The following PIP5K1C variants were observed in gnomAD, a reference collection of about 807,000 sequenced individuals.
PIP5K1C encodes phosphatidylinositol 4-phosphate 5-kinase type-1 gamma.
Under a neutral mutation model 80.1 loss-of-function variants are expected in PIP5K1C, and 45 were observed. The observed-to-expected ratio is 0.56, with a 90% CI of 0.44 to 0.72. PIP5K1C has a LOEUF of 0.72. Among genes scored for constraint, PIP5K1C ranks in the 30% least tolerant of loss-of-function variants. The pLI is 0.00. For synonymous variants in PIP5K1C, 498 were observed against 420.1 expected (o/e 1.19, Z -2.27); for missense variants, 753 against 954.6 (o/e 0.79, Z 2.78).
chr19:3,697,144 C>T lies in PIP5K1C; in HGVS notation c.94+3153G>A, dbSNP rs537440369. On this transcript the variant is annotated intron_variant, in intron 1 of 17. Transcript: ENST00000335312. Reference sequence around the variant, plus strand: ...CCAGACGAAGGAGGACTGAGCCGGACGAAGGAGAACCGAGCCGGACAGAGG... The same window carrying T: ...CCAGACGAAGGAGGACTGAGCCGGATGAAGGAGAACCGAGCCGGACAGAGG... Among the ~76,000 whole-genome samples, 27 of 148,342 alleles carry T rather than the reference C, an allele frequency of 1.8e-4. 1 individual carries two copies. Among genetic ancestry groups the T allele is most frequent in the African/African-American group, 6.8e-4 (27 of 39,708 alleles).
chr19:3,653,571 G>A lies in PIP5K1C; in HGVS notation c.640C>T (p.Arg214Trp). ...GYYMNLNQNP[R>W]TLLPKFYGLY... The stretch of plus-strand genomic sequence containing the variant: ...CCATAGAACTTGGGCAGCAGCGTCC[G>A]CGGGTTCTGGTTGAGGTTCTGCCGG... The change falls in exon 7 of 18, where the codon CGG (arginine) becomes TGG (tryptophan). Residue 214 changes from arginine to tryptophan, a missense_variant. Arg to Trp is a moderately radical substitution (Grantham distance 101, BLOSUM62 -3). Coordinates refer to ENST00000335312, the MANE Select transcript of PIP5K1C (RefSeq NM_012398.3). 1.9e-6 allele frequency: 3 copies of A among 1,608,414 alleles called. No individual in the cohort carries two copies. Among genetic ancestry groups the A allele is most frequent in the Non-Finnish European group, 2.6e-6 (3 of 1,175,584 alleles).
chr19:3,647,884 T>C (rs968958018), intron 9 of PIP5K1C, among the ~76,000 whole-genome samples: 5 of 152,264 alleles, frequency 3.3e-5, no homozygotes, highest in African/African-American at 1.2e-4. Flanking sequence ...AAGGCAGAGG[T>C]TGCAGTGAGC....
chr19:3,635,179 T>C (rs527412443), intron 16 of PIP5K1C, among the ~76,000 whole-genome samples: 8 of 152,306 alleles, frequency 5.3e-5, no homozygotes, highest in African/African-American at 1.9e-4. Context: ...TCAGAGCCGC[T>C]CTCTGGGAGG....
At chr19:3,691,695 A>T (rs1309183346) in intron 1 of PIP5K1C, among the ~76,000 whole-genome samples, 5 of 151,922 alleles carry the variant, frequency 3.3e-5, no homozygotes. Flanking sequence ...ACCAGGCCTG[A>T]TTTAAACCAA....
chr19:3,691,268 C>T (rs564600546), intron 1 of PIP5K1C, among the ~76,000 whole-genome samples: 39 of 152,302 alleles, frequency 2.6e-4, no homozygotes, highest in Non-Finnish European at 4.4e-4. Flanking sequence ...GAACACGGAG[C>T]GCCCGGTCTG....
Position 3,637,696 on chromosome 19 carries a change from GGAGAGGCGGA to G in PIP5K1C, c.1920+1178_1920+1187del. On this transcript the variant is annotated intron_variant, in intron 16 of 17. Coordinates refer to ENST00000335312, the MANE Select transcript of PIP5K1C (RefSeq NM_012398.3). The surrounding 1 kb of genome is among the most constrained non-coding windows in gnomAD (Gnocchi z 7.0). ...AGGCGGCCACCCCCGTGGTCGGGTGGGAGAGGCGGAGGGAGGTGGCGGGGAGCAGGTGGGG... is the reference window on the plus strand; with the variant it reads ...AGGCGGCCACCCCCGTGGTCGGGTGGGGGAGGTGGCGGGGAGCAGGTGGGG... The G allele has an allele frequency of 1.3e-6, 2 of 1,508,744 alleles. No homozygotes were observed. The highest frequency in any genetic ancestry group is 2.5e-5 in the South Asian group (2 of 79,346). 93.5% of individuals were successfully genotyped at this position (1,508,744 alleles called of 1,614,324 possible).
At position 3,700,350 on chromosome 19, in the gene PIP5K1C, G is replaced by C; in HGVS notation, c.41C>G (p.Ala14Gly). The change falls in exon 1 of 18, where the codon GCG (alanine) becomes GGG (glycine). Residue 14 changes from alanine (A) to glycine (G), a missense_variant. By Grantham distance (60) the Ala-to-Gly change is moderately conservative. Around this residue, in one of 6 missense-constraint regions of PIP5K1C, gnomAD observed 78 missense variants for 67.1 expected, o/e 1.16. Transcript: ENST00000335312. The part of the protein sequence containing the change: ...EVPDEAESAE[A>G]GAVPSEAAWA... ...CGCCGCCTCCGAGGGCACGGCCCCCGCCTCAGCGCTCTCCGCCTCGTCCGG... is the reference window on the plus strand; with the variant it reads ...CGCCGCCTCCGAGGGCACGGCCCCCCCCTCAGCGCTCTCCGCCTCGTCCGG... 1 of 1,289,732 alleles carries C rather than the reference G, an allele frequency of 7.8e-7. No homozygotes were observed. The highest frequency in any genetic ancestry group is 1.5e-5 in the South Asian group (1 of 65,868). 79.9% of individuals were successfully genotyped at this position (1,289,732 alleles called of 1,614,324 possible).
intron 1 of PIP5K1C, chr19:3,674,117 C>A (rs1228341430): frequency 6.6e-6 from 1 of 152,344 alleles, no homozygotes; most frequent in Non-Finnish European, 1.5e-5. Context: ...GACCGGGCGG[C>A]CCCAGCTGTT....
chr19:3,640,148 A>G (rs986837955), intron 15 of PIP5K1C, among the ~76,000 whole-genome samples: 3 of 152,220 alleles, frequency 2.0e-5, no homozygotes, highest in Admixed American at 2.0e-4. Flanking sequence ...GGCAAAAATC[A>G]TTACAAAGGC....
In PIP5K1C at chr19:3,638,988, C is replaced by T; in HGVS notation, c.1816G>A (p.Ala606Thr). 1 of 1,611,612 alleles carries T rather than the reference C, an allele frequency of 6.2e-7. No homozygotes were observed. Among genetic ancestry groups the T allele is most frequent in the Non-Finnish European group, 8.5e-7 (1 of 1,179,864 alleles). ...CTGGCAGTTTCTACTTCAACAGCAG[C>T]AGAGGCACCGGCCGGGGAAGCCTCC... is the stretch of plus-strand genomic sequence containing the variant. ...GVEASPAGAS[A>T]AVEVETASQA... Residue 606 changes from alanine to threonine, a missense_variant, in exon 16 of 18, where the codon GCT becomes ACT. Physicochemically the swap from Ala to Thr is moderately conservative, Grantham distance 58. Coordinates refer to ENST00000335312, the MANE Select transcript of PIP5K1C (RefSeq NM_012398.3).
chr19:3,652,523 G>T (rs1489743701), intron 7 of PIP5K1C, among the ~76,000 whole-genome samples: 2 of 152,328 alleles, frequency 1.3e-5, no homozygotes, highest in South Asian at 2.1e-4. Flanking sequence ...GGCCTGGGTG[G>T]AGTTGGGGAG....
At chr19:3,651,044 C>T (rs920552265) in intron 8 of PIP5K1C, among the ~76,000 whole-genome samples, 1 of 146,684 alleles carries the variant, frequency 6.8e-6, no homozygotes, top group Non-Finnish European at 1.5e-5. Flanking sequence ...GTGTGAGCCA[C>T]CGCGCCCAGC....
In PIP5K1C at chr19:3,678,282, G is replaced by GTGGAGGGA. The variant is rs573734344; in HGVS notation, c.95-10937_95-10930dup. Among the ~76,000 whole-genome samples, 219 of 94,158 alleles carry GTGGAGGGA rather than the reference G, an allele frequency of 2.3e-3. 2 individuals carry two copies. The highest frequency in any genetic ancestry group is 4.1e-3 in the Non-Finnish European group (178 of 43,030). The allele number at this position is 94,158 out of a possible 152,430, so 61.8% of individuals were successfully genotyped here. On this transcript the variant is annotated intron_variant, in intron 1 of 17. Transcript: ENST00000335312. ...GGGTGGAGGAATGGAGAATGGAGGG[G>GTGGAGGGA]TGGAGGGATGGAGGGATGGAGGGAC...
At chr19:3,635,711 G>A (rs1028539993) in intron 16 of PIP5K1C, among the ~76,000 whole-genome samples, 1 of 151,136 alleles carries the variant, frequency 6.6e-6, no homozygotes, top group Non-Finnish European at 1.5e-5. Flanking sequence ...TGGGCGCGGT[G>A]GCTTACGCCT....
Position 3,651,623 on chromosome 19 carries a change from G to A in PIP5K1C, c.1127+203C>T, listed in dbSNP as rs192182069. On this transcript the variant is annotated intron_variant, in intron 8 of 17. Coordinates refer to ENST00000335312, the MANE Select transcript of PIP5K1C (RefSeq NM_012398.3). The stretch of plus-strand genomic sequence containing the variant: ...CCCCCACCATTGCAAGCCAAGGCCC[G>A]GAACCCTGCACTCAGCCTGCGGCCC... Among the ~76,000 whole-genome samples the A allele has an allele frequency of 3.5e-3, 533 of 152,330 alleles. 3 individuals are homozygous for A. Among genetic ancestry groups the A allele is most frequent in the Middle Eastern group, 0.024 (7 of 294 alleles).
chr19:3,643,103 A>C, intron 13 of PIP5K1C, 140 bp downstream of exon 13: 1 of 1,477,262 alleles, frequency 6.8e-7, no homozygotes, highest in Admixed American at 1.8e-5. Context: ...CCGCGCACCC[A>C]CATGCAGTGT....
intron 8 of PIP5K1C, among the ~76,000 whole-genome samples, chr19:3,651,532 G>GCT (rs1313543242): frequency 3.9e-5 from 6 of 152,296 alleles, no homozygotes; most frequent in African/African-American, 1.4e-4. Flanking sequence ...ACCGGGAAAC[G>GCT]CTATCTCTCT....
At chr19:3,647,529 G>A in intron 9 of PIP5K1C, 143 bp from the exon 10 acceptor site, 1 of 752,546 alleles carries the variant, frequency 1.3e-6, no homozygotes, top group East Asian at 2.7e-5. Flanking sequence ...GGTGGCAGGT[G>A]CTCCTGGCAG....
At position 3,688,035 on chromosome 19, in the gene PIP5K1C, G is replaced by A. The variant is rs914956237; in HGVS notation, c.94+12262C>T. ...GGCGTGGCCAGCCCGCAGGTGGCGG[G>A]GCCGACGGGATGGGTCAGGGTGCAC... On this transcript the variant is annotated intron_variant, in intron 1 of 17. Coordinates refer to ENST00000335312, the MANE Select transcript of PIP5K1C (RefSeq NM_012398.3). This position sits in a 1 kb window ranked among gnomAD's most constrained non-coding sequence, Gnocchi z 5.3. 6.6e-6 allele frequency among the ~76,000 whole-genome samples: 1 copy of A among 152,144 alleles called. No homozygotes were observed. The highest frequency in any genetic ancestry group is 2.4e-5 in the African/African-American group (1 of 41,440).
Sources: allele counts gnomAD v4.1 joint callset (sites outside exome capture counted in the v4.1 genomes callset), GRCh38; gene constraint gnomAD v4.1.1; regional missense constraint gnomAD v4.1.1; non-coding constraint Gnocchi (gnomAD v3.1); transcripts MANE v1.5; gene names NCBI Gene and HGNC (gene_info 2026-07-23, HGNC 2026-07-21).